The following SIN3A variants were observed in gnomAD, a reference collection of about 807,000 sequenced individuals.
SIN3A encodes SIN3 transcription regulator family member A, also known as paired amphipathic helix protein Sin3a.
Under a neutral mutation model 146.1 loss-of-function variants are expected in SIN3A, and 14 were observed. The ratio of observed to expected loss-of-function variants is 0.10; its 90% CI spans 0.06 to 0.15. The LOEUF (loss-of-function observed/expected upper bound fraction) is 0.15. SIN3A is among the 10% of genes least tolerant of loss of function. The pLI is 1.00. For missense variants in SIN3A, 1,028 were observed against 1,576.0 expected (o/e 0.65, Z 5.89); for synonymous variants, 572 against 572.0 (o/e 1.00, Z 0.00).
At chr15:75,379,620 C>T (rs1037459066) in intron 19 of SIN3A, among the ~76,000 whole-genome samples, 14 of 152,186 alleles carry the variant, frequency 9.2e-5, no homozygotes, top group Non-Finnish European at 8.8e-5. Context: ...ATGGAGAACC[C>T]GGCAGGGCCC....
chr15:75,418,933 A>C (rs2073793304), intron 3 of SIN3A, among the ~76,000 whole-genome samples: 1 of 150,914 alleles, frequency 6.6e-6, no homozygotes, highest in Non-Finnish European at 1.5e-5. Flanking sequence ...TTTTTTTTCT[A>C]TTTTTAGTAG....
intron 14 of SIN3A, among the ~76,000 whole-genome samples, chr15:75,393,191 T>G (rs2141428102): frequency 6.6e-6 from 1 of 152,318 alleles, no homozygotes; most frequent in East Asian, 1.9e-4. Context: ...ATCGTACTAC[T>G]GCACTCCAGC....
chr15:75,372,351 G>GA lies in SIN3A; in HGVS notation c.3592-143dup, dbSNP rs1158097562. ...AGATACCACTGTTTTTTTCTTAAAA[G>GA]AAAAAAAAAAGGATTCTCTGTTTAA... is the stretch of plus-strand genomic sequence containing the variant. On this transcript the variant is annotated intron_variant, in intron 20 of 20. Transcript: ENST00000394947. The GA allele has an allele frequency of 5.9e-3, 2,448 of 418,076 alleles. 1 individual carries two copies. The highest frequency in any genetic ancestry group is 0.012 in the South Asian group (248 of 20,516). The allele number at this position is 418,076 out of a possible 1,614,324, so 25.9% of individuals were successfully genotyped here.
At chr15:75,399,827 A>C (rs2073377722) in intron 12 of SIN3A, among the ~76,000 whole-genome samples, 2 of 152,260 alleles carry the variant, frequency 1.3e-5, no homozygotes, top group African/African-American at 4.8e-5. Flanking sequence ...AAAGGGCTAA[A>C]GTGGCCTAGA....
intron 15 of SIN3A, among the ~76,000 whole-genome samples, chr15:75,391,243 G>A (rs988038694): frequency 6.6e-6 from 1 of 152,188 alleles, no homozygotes; most frequent in African/African-American, 2.4e-5. Context: ...TGTGGTAAGT[G>A]TGAGGGTTGG....
At chr15:75,378,823 T>G (rs1428962913) in intron 19 of SIN3A, among the ~76,000 whole-genome samples, 2 of 151,584 alleles carry the variant, frequency 1.3e-5, no homozygotes, top group Admixed American at 1.3e-4. Context: ...TGCCACTCTA[T>G]TCACTAATTT....
At chr15:75,437,766 G>T (rs1180486926) in intron 1 of SIN3A, among the ~76,000 whole-genome samples, 1 of 151,958 alleles carries the variant, frequency 6.6e-6, no homozygotes, top group Non-Finnish European at 1.5e-5. Flanking sequence ...AGTACTATCA[G>T]AACTCTAGTC....
At position 75,414,321 on chromosome 15, in the gene SIN3A, G is replaced by T; in HGVS notation, c.367-10C>A. On this transcript the variant is annotated splice_polypyrimidine_tract_variant and intron_variant, in intron 3 of 20. Coordinates refer to ENST00000394947, the MANE Select transcript of SIN3A (RefSeq NM_001145358.2). The stretch of plus-strand genomic sequence containing the variant: ...ATAGCGCATCCTCCACCTGAGGCAG[G>T]GATAAATATCAAGGTTATAAAAAGA... 1.4e-6 allele frequency: 2 copies of T among 1,412,128 alleles called. No homozygotes were observed. Among genetic ancestry groups the T allele is most frequent in the Non-Finnish European group, 9.5e-7 (1 of 1,051,550 alleles). 87.5% of individuals were successfully genotyped at this position (1,412,128 alleles called of 1,614,324 possible). A position where few individuals can be genotyped will look rare whatever the true frequency, so the allele number is the denominator to read the frequency against.
chr15:75,426,139 C>T (rs1367888049), intron 2 of SIN3A, among the ~76,000 whole-genome samples: 1 of 152,100 alleles, frequency 6.6e-6, no homozygotes, highest in East Asian at 1.9e-4. Context: ...TTTAACTATC[C>T]CAAATGTAGA....
chr15:75,449,107 C>T (rs568521131), intron 1 of SIN3A, among the ~76,000 whole-genome samples: 5 of 152,332 alleles, frequency 3.3e-5, no homozygotes, highest in Admixed American at 1.3e-4. Context: ...ATCATGGGAA[C>T]TATATATGTA....
At chr15:75,381,022 A>G (rs1333858167) in intron 18 of SIN3A, 1 of 218,078 alleles carries the variant, frequency 4.6e-6, no homozygotes, top group East Asian at 9.1e-5. Context: ...TTAAAGAACA[A>G]AATTTATAGT....
In SIN3A at chr15:75,370,416, C is replaced by T. The variant is rs1226651257; in HGVS notation, c.*1563G>A. 1 of 152,166 alleles carries T rather than the reference C, an allele frequency of 6.6e-6. No homozygotes were observed. Among genetic ancestry groups the T allele is most frequent in the Non-Finnish European group, 1.5e-5 (1 of 68,028 alleles). 9.4% of individuals were successfully genotyped at this position (152,166 alleles called of 1,614,324 possible). On this transcript the variant is annotated 3_prime_UTR_variant, in exon 21 of 21. Coordinates refer to ENST00000394947, the MANE Select transcript of SIN3A (RefSeq NM_001145358.2). Reference sequence around the variant, plus strand: ...TGCGTAATGGTTGCTGAAGAAAAATCCACCAGAGTACTGGGAGGGGCTCAG... The same window carrying T: ...TGCGTAATGGTTGCTGAAGAAAAATTCACCAGAGTACTGGGAGGGGCTCAG...
intron 1 of SIN3A, among the ~76,000 whole-genome samples, chr15:75,436,776 G>A (rs2074114936): frequency 1.3e-5 from 2 of 151,554 alleles, no homozygotes; most frequent in Non-Finnish European, 2.9e-5. Flanking sequence ...AAAAAAACAG[G>A]AAGAAAAGCC....
intron 1 of SIN3A, among the ~76,000 whole-genome samples, chr15:75,438,145 G>T (rs2074138099): frequency 6.6e-6 from 1 of 152,168 alleles, no homozygotes; most frequent in Admixed American, 6.5e-5. Context: ...CGGATCACTT[G>T]AGGTCAGGAG....
intron 1 of SIN3A, among the ~76,000 whole-genome samples, chr15:75,445,336 G>A (rs1454091897): frequency 7.3e-6 from 1 of 137,038 alleles, no homozygotes; most frequent in Non-Finnish European, 1.5e-5. Flanking sequence ...AGCTGAGATC[G>A]CGCTACTGTA....
chr15:75,449,936 C>A (rs776709500), intron 1 of SIN3A, among the ~76,000 whole-genome samples: 2 of 152,124 alleles, frequency 1.3e-5, no homozygotes, highest in Non-Finnish European at 1.5e-5. Flanking sequence ...CTTGCCACCA[C>A]GCCCAGCTTT....
At chr15:75,440,810 G>A (rs1053027290) in intron 1 of SIN3A, among the ~76,000 whole-genome samples, 4 of 151,714 alleles carry the variant, frequency 2.6e-5, no homozygotes, top group Admixed American at 1.3e-4. Flanking sequence ...GTGAAGCCCC[G>A]TCTTTACCAA....
intron 20 of SIN3A, 41 bp downstream of exon 20, chr15:75,375,624 G>T: frequency 6.6e-7 from 1 of 1,505,888 alleles, no homozygotes; most frequent in Non-Finnish European, 9.2e-7. Context: ...TCCTAGCTAG[G>T]GTGGGAGATG....
intron 1 of SIN3A, among the ~76,000 whole-genome samples, chr15:75,434,636 T>G (rs994938818): frequency 4.1e-5 from 4 of 98,220 alleles, no homozygotes; most frequent in Non-Finnish European, 4.2e-5. Context: ...GGCAATAGAG[T>G]GGAACTGTCT....
Sources: gnomAD v4.1 joint callset for allele counts (sites outside exome capture counted in the v4.1 genomes callset) on GRCh38, gnomAD v4.1.1 for gene constraint, MANE v1.5 for transcripts, NCBI Gene and HGNC (gene_info 2026-07-23, HGNC 2026-07-21) for gene names.